EYA4: variants seen among roughly 807,000 people sequenced by gnomAD.
EYA4 encodes the protein protein phosphatase EYA4.
EYA4 carries 31 observed loss-of-function variants against 87.9 expected under a neutral mutation model. The ratio of observed to expected loss-of-function variants is 0.35; its 90% confidence interval spans 0.27 to 0.48. The LOEUF (loss-of-function observed/expected upper bound fraction) is 0.48, where lower values mean the gene tolerates loss of function less well. EYA4 is among the 20% of genes least tolerant of loss of function. EYA4 has a pLI of 0.99. For synonymous variants in EYA4, 263 were observed against 270.6 expected (o/e 0.97, Z 0.28); for missense variants, 678 against 761.4 (o/e 0.89, Z 1.29).
chr6:133,445,781 C>T (rs1392775464), intron 3 of EYA4, among the ~76,000 whole-genome samples: 2 of 151,998 alleles, frequency 1.3e-5, no homozygotes, highest in Non-Finnish European at 2.9e-5. Flanking sequence ...GGGGTTTCAC[C>T]GTGTTAGCCA....
At chr6:133,268,448 A>G (rs1204259034) in intron 1 of EYA4, among the ~76,000 whole-genome samples, 1 of 152,312 alleles carries the variant, frequency 6.6e-6, no homozygotes, top group Admixed American at 6.5e-5. Context: ...TTTTCCTCGG[A>G]AAGAGAGCAC....
At chr6:133,474,286 A>G (rs1276074493) in intron 11 of EYA4, among the ~76,000 whole-genome samples, 2 of 152,066 alleles carry the variant, frequency 1.3e-5, no homozygotes, top group Non-Finnish European at 2.9e-5. Flanking sequence ...TCCAATTTCC[A>G]TATAATCACG....
intron 2 of EYA4, among the ~76,000 whole-genome samples, chr6:133,351,718 G>C (rs1017579088): frequency 1.3e-5 from 2 of 152,068 alleles, no homozygotes; most frequent in East Asian, 1.9e-4. Flanking sequence ...TTACAGGAAG[G>C]GTGTTGGGTA....
intron 3 of EYA4, among the ~76,000 whole-genome samples, chr6:133,384,863 A>G (rs1013302032): frequency 6.6e-6 from 1 of 152,258 alleles, no homozygotes; most frequent in African/African-American, 2.4e-5. Context: ...TGAACAAATT[A>G]TATGCATGTA....
At chr6:133,427,620 C>T (rs211589) in intron 3 of EYA4, among the ~76,000 whole-genome samples, 57,329 of 151,888 alleles carry the variant, frequency 0.38, 14,076 homozygotes, top group Non-Finnish European at 0.54. Context: ...AAATTTGACA[C>T]GTACTAGATA....
chr6:133,513,967 A>G (rs1314309889), intron 16 of EYA4, among the ~76,000 whole-genome samples: 2 of 152,188 alleles, frequency 1.3e-5, no homozygotes, highest in Non-Finnish European at 2.9e-5. Context: ...ATAGTATATA[A>G]TCACATATAT....
chr6:133,291,217 C>T (rs62430313), intron 2 of EYA4, among the ~76,000 whole-genome samples: 18,023 of 152,108 alleles, frequency 0.12, 1,337 homozygotes, highest in Non-Finnish European at 0.17. Context: ...TTCATTTTGA[C>T]CCGGAATTAA....
chr6:133,468,190 G>A (rs1475875093), intron 10 of EYA4, among the ~76,000 whole-genome samples: 4 of 152,052 alleles, frequency 2.6e-5, no homozygotes, highest in Admixed American at 6.6e-5. Context: ...GATGTTAGAA[G>A]ATGTGTAAGA....
chr6:133,436,981 A>C (rs1791748407), intron 3 of EYA4, among the ~76,000 whole-genome samples: 1 of 152,194 alleles, frequency 6.6e-6, no homozygotes, highest in South Asian at 2.1e-4. Flanking sequence ...TATTAGAAAG[A>C]AATTCCATCT....
chr6:133,490,685 C>T (rs541437526), intron 13 of EYA4, among the ~76,000 whole-genome samples: 1 of 152,212 alleles, frequency 6.6e-6, no homozygotes, highest in South Asian at 2.1e-4. Flanking sequence ...GCACTCAATA[C>T]TGGAGCACCC....
chr6:133,253,610 A>C (rs1373932980), intron 1 of EYA4, among the ~76,000 whole-genome samples: 1 of 151,962 alleles, frequency 6.6e-6, no homozygotes, highest in African/African-American at 2.4e-5. Context: ...CAACTCCCTT[A>C]ACCTACTTGC....
intron 1 of EYA4, among the ~76,000 whole-genome samples, chr6:133,271,417 C>G (rs572528765): frequency 1.3e-5 from 2 of 152,238 alleles, no homozygotes; most frequent in South Asian, 4.1e-4. Context: ...TGTGGAATAC[C>G]AAGACAGTGG....
At chr6:133,438,798 T>G (rs1791957418) in intron 3 of EYA4, among the ~76,000 whole-genome samples, 2 of 151,946 alleles carry the variant, frequency 1.3e-5, no homozygotes, top group South Asian at 4.2e-4. Context: ...ATCCCAGCAC[T>G]TTGGGAGGCC....
At chr6:133,391,199 A>G (rs1208173811) in intron 3 of EYA4, among the ~76,000 whole-genome samples, 1 of 123,050 alleles carries the variant, frequency 8.1e-6, no homozygotes, top group Non-Finnish European at 1.8e-5. Flanking sequence ...TTTAGTATCT[A>G]TTATTTTTTG....
In EYA4 at chr6:133,268,316, C is replaced by T. The variant is rs184842478; in HGVS notation, c.-65-6400C>T. On this transcript the variant is annotated intron_variant, in intron 1 of 19. Transcript: ENST00000355286. ...GGCTGTTTTTCTTTATTCAGAAATG[C>T]AAAGGTTTTGCTTTGTTTTGTTTAT... Among the ~76,000 whole-genome samples the T allele has an allele frequency of 1.8e-4, 28 of 152,224 alleles. No homozygotes were observed. In the East Asian group the frequency reaches 4.2e-3, roughly 23 times the overall value.
At chr6:133,303,331 A>G (rs1209963038) in intron 2 of EYA4, among the ~76,000 whole-genome samples, 4 of 152,042 alleles carry the variant, frequency 2.6e-5, no homozygotes, top group African/African-American at 9.7e-5. Flanking sequence ...TGTCATTTGG[A>G]TTTCATGGTG....
intron 1 of EYA4, among the ~76,000 whole-genome samples, chr6:133,262,825 T>C (rs893536121): frequency 6.6e-6 from 1 of 152,116 alleles, no homozygotes; most frequent in African/African-American, 2.4e-5. Context: ...CAGCATCTAG[T>C]TTGTAGGTTG....
intron 1 of EYA4, among the ~76,000 whole-genome samples, chr6:133,256,044 A>G (rs920624649): frequency 5.9e-5 from 9 of 151,898 alleles, no homozygotes; most frequent in African/African-American, 2.2e-4. Context: ...TCTCACAAAA[A>G]CCAGGTGCAA....
chr6:133,401,934 T>C (rs1162899171), intron 3 of EYA4, among the ~76,000 whole-genome samples: 1 of 152,142 alleles, frequency 6.6e-6, no homozygotes, highest in Non-Finnish European at 1.5e-5. Flanking sequence ...GAAAAGATGA[T>C]AGCAACAGTG....
Sources: allele counts gnomAD v4.1 joint callset (sites outside exome capture counted in the v4.1 genomes callset), GRCh38; gene constraint gnomAD v4.1.1; transcripts MANE v1.5; gene names NCBI Gene and HGNC (gene_info 2026-07-23, HGNC 2026-07-21).